LRRIQ3: variants seen among roughly 807,000 people sequenced by gnomAD.
The protein encoded by LRRIQ3 is leucine rich repeats and IQ motif containing 3.
LRRIQ3 carries 75 observed loss-of-function variants against 59.3 expected under a neutral mutation model. The observed-to-expected ratio is 1.26, with a 90% CI of 1.05 to 1.53. The LOEUF is 1.53. Among genes scored for constraint, LRRIQ3 ranks in the 40% most tolerant of loss-of-function variants. The pLI is 0.00. For missense variants in LRRIQ3, 831 were observed against 710.0 expected, an observed-to-expected ratio of 1.17 and a Z score of -1.94; for synonymous variants, 250 against 231.3, an observed-to-expected ratio of 1.08 and a Z score of -0.73.
intron 3 of LRRIQ3, among the ~76,000 whole-genome samples, chr1:74,157,750 T>C (rs1448577679): frequency 6.6e-6 from 1 of 152,128 alleles, no homozygotes; most frequent in Non-Finnish European, 1.5e-5. Context: ...GTTTATCACT[T>C]CATTGTTACA....
chr1:74,164,685 C>T (rs1377018826), intron 3 of LRRIQ3, among the ~76,000 whole-genome samples: 4 of 151,476 alleles, frequency 2.6e-5, no homozygotes, highest in Non-Finnish European at 4.4e-5. Flanking sequence ...TGCATTTTAT[C>T]ATTTATTCCT....
rs1557610729 is a variant in LRRIQ3 at position 74,092,451 on chromosome 1, C to A, written c.867+16943G>T. ...CACCTTAGTACAGGAGATTGGGTGA[C>A]CAGTGATAAGGACTCAAGATATTAT... is the stretch of plus-strand genomic sequence containing the variant. On this transcript the variant is annotated intron_variant, in intron 5 of 7. Coordinates refer to ENST00000354431, the MANE Select transcript of LRRIQ3 (RefSeq NM_001105659.2). Among the ~76,000 whole-genome samples the A allele has an allele frequency of 2.0e-5, 3 of 151,980 alleles. No individual in the cohort carries two copies. The East Asian group carries it at 5.8e-4, about 30-fold the overall frequency.
intron 7 of LRRIQ3, among the ~76,000 whole-genome samples, chr1:74,031,039 A>C (rs1017904776): frequency 2.0e-5 from 3 of 152,208 alleles, no homozygotes; most frequent in Non-Finnish European, 4.4e-5. Flanking sequence ...CATCAGAGAA[A>C]TGCAAATCAA....
intron 6 of LRRIQ3, among the ~76,000 whole-genome samples, chr1:74,050,099 T>C (rs1316311915): frequency 1.3e-5 from 2 of 151,990 alleles, no homozygotes; most frequent in Admixed American, 6.6e-5. Context: ...AATTTTTGTA[T>C]TTTTAGTAGA....
chr1:74,154,279 A>AAAAAAAAAAAG (rs1648187710), intron 4 of LRRIQ3, among the ~76,000 whole-genome samples: 2 of 132,446 alleles, frequency 1.5e-5, no homozygotes, highest in African/African-American at 5.8e-5. Context: ...AAAAAAAAAA[A>AAAAAAAAAAAG]TGTAATATCT....
chr1:74,033,003 C>T (rs1441135766), intron 7 of LRRIQ3, among the ~76,000 whole-genome samples: 1 of 151,826 alleles, frequency 6.6e-6, no homozygotes, highest in African/African-American at 2.4e-5. Flanking sequence ...GCTTGAAGTC[C>T]TAAAATTTCG....
Position 74,198,045 on chromosome 1 carries a change from C to A in LRRIQ3, c.-50G>T. 1 of 846,842 alleles carries A rather than the reference C, an allele frequency of 1.2e-6. No homozygotes were observed. Among genetic ancestry groups the A allele is most frequent in the Non-Finnish European group, 1.7e-6 (1 of 571,978 alleles). The allele number at this position is 846,842 out of a possible 1,614,324, so 52.5% of individuals were successfully genotyped here. A position where few individuals can be genotyped will look rare whatever the true frequency, so the allele number is the denominator to read the frequency against. On this transcript the variant is annotated 5_prime_UTR_variant, in exon 1 of 8. Transcript: ENST00000354431. The stretch of plus-strand genomic sequence containing the variant: ...TATGAGTTGGAGACAAGTGGCCCAG[C>A]CCCAACACAGTCAGACAAATCGCTG...
At chr1:74,127,975 T>A (rs924212897) in intron 4 of LRRIQ3, among the ~76,000 whole-genome samples, 10 of 152,038 alleles carry the variant, frequency 6.6e-5, no homozygotes, top group African/African-American at 2.4e-4. Context: ...ATGAAGGATA[T>A]TTTTACTGGA....
At chr1:74,169,767 C>T (rs35757296) in intron 3 of LRRIQ3, among the ~76,000 whole-genome samples, 13,835 of 152,040 alleles carry the variant, frequency 0.091, 695 homozygotes, top group African/African-American at 0.12. Context: ...CCAGGTTAGT[C>T]TTGAACTCCT....
At chr1:74,145,981 G>A (rs1446092640) in intron 4 of LRRIQ3, among the ~76,000 whole-genome samples, 2 of 151,816 alleles carry the variant, frequency 1.3e-5, no homozygotes, top group African/African-American at 4.8e-5. Flanking sequence ...TTATACTACC[G>A]TACTTTTACT....
Position 74,118,691 on chromosome 1 carries a change from G to GAT in LRRIQ3, c.708-9140_708-9139dup, listed in dbSNP as rs546980083. 1.1e-4 allele frequency among the ~76,000 whole-genome samples: 17 copies of GAT among 151,992 alleles called. No individual in the cohort carries two copies. The East Asian group carries it at 2.3e-3, about 21-fold the overall frequency. ...AGAACCAGTAGAAAAAAAATATAGA[G>GAT]ATATATATATAGAGAGAGAGCAAGA... On this transcript the variant is annotated intron_variant, in intron 4 of 7. Transcript: ENST00000354431.
chr1:74,149,575 C>T (rs1448603050), intron 4 of LRRIQ3, among the ~76,000 whole-genome samples: 3 of 152,146 alleles, frequency 2.0e-5, no homozygotes, highest in Non-Finnish European at 1.5e-5. Context: ...CTACCAATTT[C>T]TCTCCACAAA....
At chr1:74,058,156 T>C (rs911011913) in intron 6 of LRRIQ3, among the ~76,000 whole-genome samples, 2 of 151,896 alleles carry the variant, frequency 1.3e-5, no homozygotes, top group Admixed American at 6.6e-5. Context: ...CTATGGAAAA[T>C]AGTATGGAGG....
rs1185057458 is a variant in LRRIQ3 at position 74,085,696 on chromosome 1, A to AAATG, written c.868-10910_868-10907dup. 2.0e-5 allele frequency among the ~76,000 whole-genome samples: 3 copies of AAATG among 152,018 alleles called. No individual in the cohort carries two copies. The East Asian group carries it at 5.8e-4, about 29-fold the overall frequency. ...GGGAGCCCAGAATTTAATTTAAGGC[A>AAATG]AATGAACAAAGGCTTTTAGTGCCTA... On this transcript the variant is annotated intron_variant, in intron 5 of 7. Transcript: ENST00000354431.
intron 4 of LRRIQ3, among the ~76,000 whole-genome samples, chr1:74,130,793 T>C (rs1164656536): frequency 4.6e-5 from 7 of 151,992 alleles, no homozygotes; most frequent in African/African-American, 1.4e-4. Flanking sequence ...AGATCTAAAA[T>C]TGACACCCTA....
chr1:74,158,274 A>T (rs1184556263), intron 3 of LRRIQ3, among the ~76,000 whole-genome samples: 1 of 152,172 alleles, frequency 6.6e-6, no homozygotes, highest in Non-Finnish European at 1.5e-5. Flanking sequence ...TGAGCATTCC[A>T]AAATGTAAAT....
chr1:74,110,864 G>A (rs942194802), intron 4 of LRRIQ3, among the ~76,000 whole-genome samples: 5 of 152,120 alleles, frequency 3.3e-5, no homozygotes, highest in Middle Eastern at 3.4e-3. Flanking sequence ...GGCTAGTGGA[G>A]TAGCCCTGCT....
intron 4 of LRRIQ3, among the ~76,000 whole-genome samples, chr1:74,130,386 G>A (rs1174821124): frequency 6.6e-6 from 1 of 152,066 alleles, no homozygotes; most frequent in East Asian, 1.9e-4. Flanking sequence ...TGACAGGGCA[G>A]CACTAAATTT....
chr1:74,168,329 T>A (rs1337169493), intron 3 of LRRIQ3, among the ~76,000 whole-genome samples: 1 of 152,056 alleles, frequency 6.6e-6, no homozygotes, highest in Non-Finnish European at 1.5e-5. Context: ...TATCATGATA[T>A]AACATCTCTC....
Sources: allele counts gnomAD v4.1 joint callset (sites outside exome capture counted in the v4.1 genomes callset), GRCh38; gene constraint gnomAD v4.1.1; transcripts MANE v1.5; gene names NCBI Gene and HGNC (gene_info 2026-07-23, HGNC 2026-07-21).